FAF1: variants seen among roughly 807,000 people sequenced by gnomAD.
FAF1 encodes Fas associated factor 1, also known as FAS-associated factor 1.
A neutral mutation model predicts 92.5 loss-of-function variants in FAF1; 25 were observed. That is an observed-to-expected ratio of 0.27 (90% confidence interval 0.20 to 0.38). The LOEUF is 0.38. Among genes scored for constraint, FAF1 ranks in the 10% least tolerant of loss-of-function variants. The probability of loss-of-function intolerance (pLI) is 1.00; values close to 1 mark genes in which losing one functional copy is unlikely to be tolerated. For missense variants in FAF1, 636 were observed against 793.3 expected (o/e 0.80, Z 2.38); for synonymous variants, 234 against 273.2 (o/e 0.86, Z 1.42).
At chr1:50,927,183 A>G (rs1645012577) in intron 1 of FAF1, among the ~76,000 whole-genome samples, 1 of 152,252 alleles carries the variant, frequency 6.6e-6, no homozygotes, top group Admixed American at 6.5e-5. Context: ...GTGATGCCAC[A>G]TAACAATGTG....
intron 7 of FAF1, among the ~76,000 whole-genome samples, chr1:50,659,606 G>A (rs1275456056): frequency 6.6e-6 from 1 of 151,790 alleles, no homozygotes; most frequent in African/African-American, 2.4e-5. Flanking sequence ...TTTTTGATCA[G>A]CATTGGCTCA....
rs1382876879 is a variant in FAF1 at position 50,491,737 on chromosome 1, T to A, written c.1559A>T (p.Glu520Val). ...CAAGCCTACCTTTGCTCTGTCAGCC[T>A]CAAGTGAAAGGCGATAGGCCTCATC... is the stretch of plus-strand genomic sequence containing the variant. ...EQDEAYRLSL[E>V]ADRAKREAHE... The change falls in exon 16 of 19, where the codon GAG becomes GTG. Residue 520 changes from glutamate (E) to valine (V), a missense_variant. Glu to Val is a moderately radical substitution (Grantham distance 121). Transcript: ENST00000396153. The A allele has an allele frequency of 6.2e-7, 1 of 1,611,902 alleles. No individual in the cohort carries two copies. Among genetic ancestry groups the A allele is most frequent in the Non-Finnish European group, 8.5e-7 (1 of 1,179,052 alleles).
intron 2 of FAF1, among the ~76,000 whole-genome samples, chr1:50,821,634 T>C (rs961299071): frequency 3.3e-5 from 5 of 152,214 alleles, no homozygotes; most frequent in Non-Finnish European, 5.9e-5. Flanking sequence ...TTAGTTTCTC[T>C]CTGCTTCAGT....
intron 1 of FAF1, among the ~76,000 whole-genome samples, chr1:50,899,695 C>G (rs1172276010): frequency 1.3e-5 from 2 of 152,206 alleles, no homozygotes; most frequent in Non-Finnish European, 2.9e-5. Flanking sequence ...TTGTGATCCA[C>G]CCACCTCGCC....
intron 15 of FAF1, among the ~76,000 whole-genome samples, chr1:50,498,724 C>G (rs1417121015): frequency 6.6e-6 from 1 of 152,020 alleles, no homozygotes; most frequent in Non-Finnish European, 1.5e-5. Context: ...GGGGCGCATG[C>G]CTATAATCCC....
intron 1 of FAF1, among the ~76,000 whole-genome samples, chr1:50,920,116 A>G (rs574712885): frequency 1.4e-4 from 22 of 152,068 alleles, no homozygotes; most frequent in African/African-American, 5.1e-4. Context: ...CCCAGCCAAC[A>G]TGGTGAAACC....
At chr1:50,475,427 C>G (rs1337088328) in intron 18 of FAF1, 37 bp downstream of exon 18, 5 of 1,517,720 alleles carry the variant, frequency 3.3e-6, no homozygotes, top group Non-Finnish European at 4.5e-6. Context: ...ACATCTCCCA[C>G]CTGGATATAC....
chr1:50,593,842 C>T (rs908806030), intron 9 of FAF1, among the ~76,000 whole-genome samples: 1 of 152,046 alleles, frequency 6.6e-6, no homozygotes, highest in Non-Finnish European at 1.5e-5. Flanking sequence ...GATATAAATA[C>T]GTATTCAAAG....
rs892503606 is a variant in FAF1, at chr1:50,646,007, C to T, written c.744+9435G>A. ...ATTGTATGAAACTTCTAATCTGCAA[C>T]CATTTTTGTCCCTAAAAAATGGCAA... is the stretch of plus-strand genomic sequence containing the variant. On this transcript the variant is annotated intron_variant, in intron 8 of 18. Coordinates refer to ENST00000396153, the MANE Select transcript of FAF1 (RefSeq NM_007051.3). 1.8e-4 allele frequency among the ~76,000 whole-genome samples: 28 copies of T among 152,122 alleles called. 1 individual carries two copies. Among genetic ancestry groups the T allele is most frequent in the African/African-American group, 4.8e-5 (2 of 41,420 alleles).
At chr1:50,524,542 A>G (rs1647692688) in intron 15 of FAF1, among the ~76,000 whole-genome samples, 1 of 152,126 alleles carries the variant, frequency 6.6e-6, no homozygotes. Flanking sequence ...TCTTCAATCT[A>G]TCTTGAGTTA....
In FAF1 at chr1:50,736,119, A is replaced by T. The variant is rs577612303; in HGVS notation, c.551+2744T>A. ...AATTTCATGCAAATTCTTAAGAATT[A>T]TAAGTGAGGTAATATACGCCAATGC... On this transcript the variant is annotated intron_variant, in intron 6 of 18. Coordinates refer to ENST00000396153, the MANE Select transcript of FAF1 (RefSeq NM_007051.3). 3.9e-5 allele frequency among the ~76,000 whole-genome samples: 6 copies of T among 152,368 alleles called. No individual in the cohort carries two copies. The East Asian group carries it at 1.2e-3, about 29-fold the overall frequency.
At chr1:50,591,113 G>T (rs1413826825) in intron 9 of FAF1, among the ~76,000 whole-genome samples, 1 of 152,134 alleles carries the variant, frequency 6.6e-6, no homozygotes, top group Non-Finnish European at 1.5e-5. Context: ...TCATTATGTT[G>T]AAGTAGTTTT....
intron 13 of FAF1, among the ~76,000 whole-genome samples, chr1:50,554,984 A>G (rs1649498395): frequency 1.3e-5 from 2 of 152,128 alleles, no homozygotes; most frequent in African/African-American, 4.8e-5. Flanking sequence ...AAACAGTTGT[A>G]ATGAAAAATT....
chr1:50,606,327 T>C (rs550413040), intron 8 of FAF1, among the ~76,000 whole-genome samples: 23 of 152,176 alleles, frequency 1.5e-4, no homozygotes, highest in African/African-American at 5.5e-4. Context: ...ACCAAAGATA[T>C]CCAAATGATG....
chr1:50,918,189 T>G (rs962498534), intron 1 of FAF1, among the ~76,000 whole-genome samples: 1 of 147,824 alleles, frequency 6.8e-6, no homozygotes, highest in African/African-American at 2.5e-5. Flanking sequence ...TTTTTTTTTT[T>G]AATTTTTTTT....
intron 1 of FAF1, among the ~76,000 whole-genome samples, chr1:50,895,651 C>T (rs954026358): frequency 3.9e-5 from 6 of 152,136 alleles, no homozygotes; most frequent in African/African-American, 1.2e-4. Flanking sequence ...TAACAAAATA[C>T]TAACAAACTG....
chr1:50,830,602 T>G (rs1644143863), intron 2 of FAF1, among the ~76,000 whole-genome samples: 1 of 152,168 alleles, frequency 6.6e-6, no homozygotes, highest in Middle Eastern at 3.2e-3. Flanking sequence ...ATAGAATTTG[T>G]TATTAGTTTA....
At chr1:50,643,651 G>C (rs1449115195) in intron 8 of FAF1, among the ~76,000 whole-genome samples, 1 of 152,120 alleles carries the variant, frequency 6.6e-6, no homozygotes, top group Non-Finnish European at 1.5e-5. Context: ...AGAGTGCAGT[G>C]GCACGATCTC....
Position 50,827,221 on chromosome 1 carries a change from A to G in FAF1, c.115-25544T>C, listed in dbSNP as rs544639179. ...AATGTGGGGAAAAGAAAGAGAGATCAGATTGTTACTTTGTCTGTGTAGAAA... is the reference window on the plus strand; with the variant it reads ...AATGTGGGGAAAAGAAAGAGAGATCGGATTGTTACTTTGTCTGTGTAGAAA... On this transcript the variant is annotated intron_variant, in intron 2 of 18. Transcript: ENST00000396153. Among the ~76,000 whole-genome samples the G allele has an allele frequency of 7.7e-3, 1,166 of 152,310 alleles. 11 individuals are homozygous for G. The highest frequency in any genetic ancestry group is 0.027 in the African/African-American group (1,126 of 41,566).
Sources: allele counts gnomAD v4.1 joint callset (sites outside exome capture counted in the v4.1 genomes callset), GRCh38; gene constraint gnomAD v4.1.1; transcripts MANE v1.5; gene names NCBI Gene and HGNC (gene_info 2026-07-23, HGNC 2026-07-21).